AGBL1: variants seen among roughly 807,000 people sequenced by gnomAD.
The protein encoded by AGBL1 is AGBL carboxypeptidase 1, also known as cytosolic carboxypeptidase 4.
AGBL1 carries 130 observed loss-of-function variants against 118.9 expected under a neutral mutation model. That is an observed-to-expected ratio of 1.09 (90% confidence interval 0.95 to 1.26). AGBL1 has a LOEUF of 1.26. Ranked by LOEUF, AGBL1 falls within the 50% of genes most tolerant of loss-of-function variation. The pLI, the probability that AGBL1 is intolerant of heterozygous loss-of-function variation, is 0.00. For missense variants in AGBL1, 1,584 were observed against 1,298.1 expected (o/e 1.22, Z -3.38); for synonymous variants, 555 against 478.9 (o/e 1.16, Z -2.08).
chr15:86,374,036 G>T (rs536824829), intron 17 of AGBL1, among the ~76,000 whole-genome samples: 1 of 152,188 alleles, frequency 6.6e-6, no homozygotes, highest in East Asian at 1.9e-4. Context: ...AGCAGGTGAG[G>T]AATTCCTGTG....
intron 18 of AGBL1, among the ~76,000 whole-genome samples, chr15:86,476,814 T>C (rs1025661434): frequency 1.3e-5 from 2 of 152,196 alleles, no homozygotes; most frequent in African/African-American, 4.8e-5. Flanking sequence ...ATTCCAAAAT[T>C]GACCACATAG....
At chr15:86,209,216 G>A (rs1250346508) in intron 5 of AGBL1, among the ~76,000 whole-genome samples, 1 of 152,126 alleles carries the variant, frequency 6.6e-6, no homozygotes, top group African/African-American at 2.4e-5. Context: ...TACATTGACT[G>A]AGGAGTGCTT....
At chr15:86,939,223 C>G (rs1596653317) in intron 23 of AGBL1, 1 of 152,490 alleles carries the variant, frequency 6.6e-6, no homozygotes, top group African/African-American at 2.4e-5. Flanking sequence ...GGTAGACCCA[C>G]TCTCAATCTG....
chr15:86,417,022 A>G (rs1300902817), intron 18 of AGBL1, among the ~76,000 whole-genome samples: 1 of 152,218 alleles, frequency 6.6e-6, no homozygotes, highest in East Asian at 1.9e-4. Context: ...TGACTTGATC[A>G]TACAACCATG....
intron 23 of AGBL1, among the ~76,000 whole-genome samples, chr15:86,971,068 G>A (rs937679675): frequency 3.3e-5 from 5 of 151,966 alleles, no homozygotes; most frequent in Non-Finnish European, 7.4e-5. Context: ...TTTGGCATCT[G>A]CAGTGGTTCT....
intron 22 of AGBL1, among the ~76,000 whole-genome samples, chr15:86,809,394 A>G (rs576601340): frequency 6.6e-6 from 1 of 152,256 alleles, no homozygotes; most frequent in Non-Finnish European, 1.5e-5. Context: ...TCAAAAAGCC[A>G]TTTCCACTCC....
chr15:86,539,938 C>T (rs2083472300), intron 19 of AGBL1, among the ~76,000 whole-genome samples: 1 of 152,162 alleles, frequency 6.6e-6, no homozygotes, highest in African/African-American at 2.4e-5. Context: ...ATCAACAAAT[C>T]AGCTTCTGGA....
chr15:86,804,781 C>G (rs1033905178), intron 22 of AGBL1, among the ~76,000 whole-genome samples: 3 of 152,070 alleles, frequency 2.0e-5, no homozygotes, highest in African/African-American at 7.2e-5. Flanking sequence ...GTTTTTATGT[C>G]TGCATAGAAG....
chr15:86,598,244 G>A lies in AGBL1; in HGVS notation c.2994+43707G>A, dbSNP rs1001136691. Among the ~76,000 whole-genome samples the A allele has an allele frequency of 2.0e-5, 3 of 152,102 alleles. No individual in the cohort carries two copies. In the East Asian group the frequency reaches 5.8e-4, roughly 29 times the overall value. Reference sequence around the variant, plus strand: ...GTAATCATATAATAAGGGAGCAGCTGTGAAGAAGCATTTAAAACTCTGAGT... The same window carrying A: ...GTAATCATATAATAAGGGAGCAGCTATGAAGAAGCATTTAAAACTCTGAGT... On this transcript the variant is annotated intron_variant, in intron 21 of 22. Transcript: ENST00000614907.
intron 21 of AGBL1, among the ~76,000 whole-genome samples, chr15:86,669,344 A>T (rs544716063): frequency 6.6e-6 from 1 of 152,274 alleles, no homozygotes; most frequent in South Asian, 2.1e-4. Context: ...TATGGAACAA[A>T]AATATGAAAA....
chr15:86,266,502 C>T (rs766501426), intron 12 of AGBL1, 45 bp downstream of exon 12: 4 of 1,345,086 alleles, frequency 3.0e-6, no homozygotes, highest in South Asian at 2.6e-5. Context: ...ATGGAGAATT[C>T]TCTTAATGGC....
intron 19 of AGBL1, among the ~76,000 whole-genome samples, chr15:86,526,531 T>C (rs1424402306): frequency 2.0e-5 from 2 of 101,734 alleles, no homozygotes; most frequent in Admixed American, 1.2e-4. Context: ...CACACAGATA[T>C]GTTTGTGTCT....
chr15:86,881,786 C>T (rs938891062), intron 22 of AGBL1, among the ~76,000 whole-genome samples: 21 of 152,132 alleles, frequency 1.4e-4, no homozygotes, highest in Non-Finnish European at 2.8e-4. Flanking sequence ...CAGCTGTGTG[C>T]CACCACGCCC....
chr15:86,747,407 C>G (rs973280577), intron 22 of AGBL1, among the ~76,000 whole-genome samples: 2 of 151,946 alleles, frequency 1.3e-5, no homozygotes, highest in Non-Finnish European at 2.9e-5. Flanking sequence ...ATAAAACATA[C>G]AAAATTGCAA....
intron 3 of AGBL1, among the ~76,000 whole-genome samples, chr15:86,147,588 A>AG (rs2077050131): frequency 1.3e-5 from 2 of 152,206 alleles, no homozygotes. Flanking sequence ...AGGCCTGACT[A>AG]GGTAAACAAA....
At position 86,336,336 on chromosome 15, in the gene AGBL1, A is replaced by G. The variant is rs998404360; in HGVS notation, c.2374+40928A>G. On this transcript the variant is annotated intron_variant, in intron 17 of 22. Transcript: ENST00000614907. ...ATGCTTCAGTTTTGAGTTGCTAGTC[A>G]TCACTCTCTGTAACTTGCAAGAGAC... Among the ~76,000 whole-genome samples, 6 of 152,362 alleles carry G rather than the reference A, an allele frequency of 3.9e-5. No individual in the cohort carries two copies. In the South Asian group the frequency reaches 1.2e-3, roughly 32 times the overall value.
chr15:86,538,214 A>G (rs949178070), intron 19 of AGBL1, among the ~76,000 whole-genome samples: 1 of 152,224 alleles, frequency 6.6e-6, no homozygotes, highest in Non-Finnish European at 1.5e-5. Context: ...TTCTAAGGCC[A>G]TGTTGAAACT....
At chr15:86,647,649 C>T (rs762570954) in intron 21 of AGBL1, among the ~76,000 whole-genome samples, 3 of 151,930 alleles carry the variant, frequency 2.0e-5, no homozygotes, top group Non-Finnish European at 4.4e-5. Flanking sequence ...TGCAGTGAGC[C>T]GAAATCACAC....
intron 24 of AGBL1, among the ~76,000 whole-genome samples, chr15:86,994,046 T>C (rs1659904470): frequency 6.6e-6 from 1 of 152,116 alleles, no homozygotes; most frequent in African/African-American, 2.4e-5. Context: ...AGGTTCTGTG[T>C]CACATTCATT....
Sources: gnomAD v4.1 joint callset for allele counts (sites outside exome capture counted in the v4.1 genomes callset) on GRCh38, gnomAD v4.1.1 for gene constraint, MANE v1.5 for transcripts, NCBI Gene and HGNC (gene_info 2026-07-23, HGNC 2026-07-21) for gene names.